Variants in ABTB3 observed in about 807,000 individuals in gnomAD.
The protein encoded by ABTB3 is ankyrin repeat and BTB domain containing 3.
chr12:107,522,372 G>A, the ABTB3 span, among the ~76,000 whole-genome samples: 1 of 151,944 alleles, frequency 6.6e-6, no homozygotes, highest in Non-Finnish European at 1.5e-5. Context: ...TTAATAATAG[G>A]TTTATTGAGA....
At chr12:107,325,209 C>T in the ABTB3 span, among the ~76,000 whole-genome samples, 12 of 152,198 alleles carry the variant, frequency 7.9e-5, no homozygotes, top group East Asian at 3.8e-4. Flanking sequence ...CCTGTCAGCA[C>T]GGGCTTGGAG....
the ABTB3 span, among the ~76,000 whole-genome samples, chr12:107,333,050 GA>G: frequency 6.6e-6 from 1 of 152,192 alleles, no homozygotes; most frequent in African/African-American, 2.4e-5. Context: ...GGTTGTTAAG[GA>G]AGAACAAGGG....
chr12:107,321,651 A>T, the ABTB3 span, among the ~76,000 whole-genome samples: 4 of 152,204 alleles, frequency 2.6e-5, no homozygotes, highest in East Asian at 7.7e-4. Context: ...ATCGACTAAG[A>T]TGGAAACATC....
the ABTB3 span, among the ~76,000 whole-genome samples, chr12:107,322,873 T>C: frequency 7.2e-5 from 11 of 152,192 alleles, no homozygotes; most frequent in African/African-American, 2.4e-5. Flanking sequence ...CCACCTGCCC[T>C]TTATTACCCA....
the ABTB3 span, among the ~76,000 whole-genome samples, chr12:107,568,029 A>T: frequency 3.9e-5 from 6 of 152,352 alleles, no homozygotes; most frequent in African/African-American, 1.2e-4. Flanking sequence ...CTCAGAATGT[A>T]TCCTGGTCTC....
At chr12:107,397,213 T>C in the ABTB3 span, among the ~76,000 whole-genome samples, 1 of 152,168 alleles carries the variant, frequency 6.6e-6, no homozygotes, top group African/African-American at 2.4e-5. Flanking sequence ...AAACAGGCCG[T>C]TTGCACTGAT....
chr12:107,561,236 A>G, the ABTB3 span, among the ~76,000 whole-genome samples: 1 of 152,174 alleles, frequency 6.6e-6, no homozygotes, highest in Non-Finnish European at 1.5e-5. Flanking sequence ...AAGGTGGGGA[A>G]AGCATATTTT....
chr12:107,500,575 C>T, the ABTB3 span, among the ~76,000 whole-genome samples: 7 of 152,182 alleles, frequency 4.6e-5, no homozygotes, highest in African/African-American at 9.7e-5. Context: ...GGCTCTGAGC[C>T]GGTTACCCCC....
the ABTB3 span, chr12:107,320,645 G>T: frequency 2.2e-6 from 1 of 456,148 alleles, no homozygotes; most frequent in Non-Finnish European, 4.4e-6. Context: ...GGTGTGTGTG[G>T]TGAGACTGGG....
the ABTB3 span, among the ~76,000 whole-genome samples, chr12:107,381,155 T>C: frequency 6.6e-6 from 1 of 152,284 alleles, no homozygotes; most frequent in East Asian, 1.9e-4. Context: ...TGATATTATA[T>C]TGCATTTTTG....
At chr12:107,617,424 C>A in the ABTB3 span, 1 of 1,614,062 alleles carries the variant, frequency 6.2e-7, no homozygotes, top group Non-Finnish European at 8.5e-7. Context: ...CAGGCTGCAG[C>A]CCACGGACAC....
At chr12:107,441,223 A>G in the ABTB3 span, among the ~76,000 whole-genome samples, 1 of 152,208 alleles carries the variant, frequency 6.6e-6, no homozygotes, top group African/African-American at 2.4e-5. Context: ...ATGCCCATCA[A>G]TGATAGACTG....
At chr12:107,380,430 A>G in the ABTB3 span, among the ~76,000 whole-genome samples, 4 of 152,204 alleles carry the variant, frequency 2.6e-5, no homozygotes, top group Non-Finnish European at 5.9e-5. Flanking sequence ...GCGTGTCCCA[A>G]CATGACTGAG....
At chr12:107,537,375 A>C in the ABTB3 span, among the ~76,000 whole-genome samples, 1 of 152,084 alleles carries the variant, frequency 6.6e-6, no homozygotes, top group Non-Finnish European at 1.5e-5. Flanking sequence ...AGAAGAGAGG[A>C]TTTTGAATGT....
At chr12:107,509,660 C>G in the ABTB3 span, among the ~76,000 whole-genome samples, 1 of 152,224 alleles carries the variant, frequency 6.6e-6, no homozygotes, top group East Asian at 1.9e-4. Flanking sequence ...GAGCTCATCA[C>G]TGGGGCCGGG....
chr12:107,637,412 G>C, the ABTB3 span, among the ~76,000 whole-genome samples: 1 of 151,578 alleles, frequency 6.6e-6, no homozygotes, highest in Admixed American at 6.6e-5. Context: ...AAAAAAAAAT[G>C]TTTTTAAGTG....
At chr12:107,469,866 TTTTCTTTCTTTCTTTC>T in the ABTB3 span, among the ~76,000 whole-genome samples, 8 of 75,576 alleles carry the variant, frequency 1.1e-4, no homozygotes, top group South Asian at 5.2e-4. Flanking sequence ...TCTTTCTTTC[TTTTCTTTCTTTCTTTC>T]TTTCTTTCTT....
At chr12:107,593,775 G>T in the ABTB3 span, among the ~76,000 whole-genome samples, 1 of 152,270 alleles carries the variant, frequency 6.6e-6, no homozygotes, top group African/African-American at 2.4e-5. Flanking sequence ...CTTCCCTCTT[G>T]TTGCTCTGCC....
At chr12:107,658,897 T>A in the ABTB3 span, 1 of 152,672 alleles carries the variant, frequency 6.5e-6, no homozygotes, top group Non-Finnish European at 1.5e-5. Flanking sequence ...ATTCTTTCTG[T>A]ATTCTGAGAG....
Sources: gnomAD v4.1 joint callset for allele counts (sites outside exome capture counted in the v4.1 genomes callset) on GRCh38, gnomAD v4.1.1 for gene constraint, MANE v1.5 for transcripts, NCBI Gene and HGNC (gene_info 2026-07-23, HGNC 2026-07-21) for gene names.